PRELID2: variants seen among roughly 807,000 people sequenced by gnomAD.
The protein encoded by PRELID2 is PRELI domain-containing protein 2.
In PRELID2, 25 loss-of-function variants were observed where a neutral mutation model predicts 28.4. The ratio of observed to expected loss-of-function variants is 0.88; its 90% CI spans 0.64 to 1.23. The LOEUF (loss-of-function observed/expected upper bound fraction) is 1.23, where lower values mean the gene tolerates loss of function less well. Among genes scored for constraint, PRELID2 ranks in the 50% most tolerant of loss-of-function variants. The pLI, the probability that PRELID2 is intolerant of heterozygous loss-of-function variation, is 0.00. For synonymous variants in PRELID2, 76 were observed against 71.6 expected, an observed-to-expected ratio of 1.06 and a Z score of -0.31; for missense variants, 201 against 214.4, an observed-to-expected ratio of 0.94 and a Z score of 0.39.
At chr5:145,574,134 A>G (rs1753039126) in intron 1 of PRELID2, among the ~76,000 whole-genome samples, 1 of 152,198 alleles carries the variant, frequency 6.6e-6, no homozygotes, top group African/African-American at 2.4e-5. Context: ...CAGAAAAGAG[A>G]GAAATAGAAA....
At chr5:145,675,855 A>T (rs773512352) in intron 1 of PRELID2, among the ~76,000 whole-genome samples, 47 of 152,362 alleles carry the variant, frequency 3.1e-4, no homozygotes, top group South Asian at 6.2e-4. Flanking sequence ...TGTAAAGAAA[A>T]ATAAGAACTA....
intron 1 of PRELID2, among the ~76,000 whole-genome samples, chr5:145,830,219 A>G (rs1247790845): frequency 1.3e-5 from 2 of 152,244 alleles, no homozygotes; most frequent in Admixed American, 6.5e-5. Flanking sequence ...AAAAATCACC[A>G]CCTATGAAGG....
At chr5:145,575,050 AC>A (rs1753049022) in intron 1 of PRELID2, among the ~76,000 whole-genome samples, 1 of 152,146 alleles carries the variant, frequency 6.6e-6, no homozygotes, top group South Asian at 2.1e-4. Context: ...AATGACTGAG[AC>A]CTTTGAGTGA....
chr5:145,591,926 T>C (rs139789587), intron 1 of PRELID2, among the ~76,000 whole-genome samples: 3 of 152,222 alleles, frequency 2.0e-5, no homozygotes, highest in African/African-American at 7.2e-5. Context: ...CTAAACCTAC[T>C]ATGTCAGTCT....
chr5:145,424,872 T>C, the PRELID2 span, among the ~76,000 whole-genome samples: 2 of 152,174 alleles, frequency 1.3e-5, no homozygotes, highest in Non-Finnish European at 2.9e-5. Context: ...AAACATTTCA[T>C]GATAAAAATG....
At chr5:145,392,986 T>G in the PRELID2 span, among the ~76,000 whole-genome samples, 1 of 152,160 alleles carries the variant, frequency 6.6e-6, no homozygotes, top group African/African-American at 2.4e-5. Flanking sequence ...TCCTGCTCCA[T>G]CCCCTTCTCC....
At chr5:145,688,600 A>G (rs1755083308) in intron 1 of PRELID2, among the ~76,000 whole-genome samples, 1 of 152,236 alleles carries the variant, frequency 6.6e-6, no homozygotes. Context: ...CTGCTGATGC[A>G]TAAATAATAC....
At chr5:145,478,059 A>C (rs1752119619) in intron 1 of PRELID2, among the ~76,000 whole-genome samples, 1 of 152,168 alleles carries the variant, frequency 6.6e-6, no homozygotes, top group East Asian at 1.9e-4. Context: ...TTACAAATAA[A>C]TAAATAAATT....
At chr5:145,572,151 G>GA (rs1447911768) in intron 1 of PRELID2, among the ~76,000 whole-genome samples, 10 of 152,270 alleles carry the variant, frequency 6.6e-5, no homozygotes, top group African/African-American at 2.2e-4. Context: ...TAAATTGGTT[G>GA]AAAAAACCAA....
the PRELID2 span, among the ~76,000 whole-genome samples, chr5:145,242,766 T>G: frequency 6.6e-6 from 1 of 152,036 alleles, no homozygotes; most frequent in South Asian, 2.1e-4. Context: ...CCAGTGCAAA[T>G]GCCAGAAATG....
chr5:145,411,784 A>G, the PRELID2 span, among the ~76,000 whole-genome samples: 1 of 152,208 alleles, frequency 6.6e-6, no homozygotes, highest in Non-Finnish European at 1.5e-5. Flanking sequence ...TCCCTGTATC[A>G]AACTTTGGCC....
chr5:145,736,393 C>T (rs1417697288), intron 1 of PRELID2, among the ~76,000 whole-genome samples: 2 of 48,812 alleles, frequency 4.1e-5, no homozygotes, highest in Non-Finnish European at 1.2e-4. Flanking sequence ...CAAGAACACA[C>T]AGCTCTATCT....
At chr5:145,447,372 A>G in the PRELID2 span, among the ~76,000 whole-genome samples, 3 of 151,690 alleles carry the variant, frequency 2.0e-5, no homozygotes, top group African/African-American at 7.3e-5. Context: ...AAGATACTGA[A>G]TAAAGAGAGA....
At chr5:145,438,644 A>G in the PRELID2 span, among the ~76,000 whole-genome samples, 1 of 152,308 alleles carries the variant, frequency 6.6e-6, no homozygotes, top group East Asian at 1.9e-4. Context: ...AAATAAAATA[A>G]ATAGCACAAA....
chr5:145,758,782 A>G lies in PRELID2; in HGVS notation c.*1754T>C, dbSNP rs569069419. ...TTCTACCATTATTTTTCCCTCCAAC[A>G]CAATTGAAGAATGAAACACTATGAA... On this transcript the variant is annotated 3_prime_UTR_variant, in exon 7 of 7. Transcript: ENST00000683046. Among the ~76,000 whole-genome samples the G allele has an allele frequency of 1.3e-5, 2 of 152,270 alleles. No homozygotes were observed. Among genetic ancestry groups the G allele is most frequent in the East Asian group, 1.9e-4 (1 of 5,182 alleles).
At chr5:145,829,694 T>C (rs765257199) in intron 1 of PRELID2, among the ~76,000 whole-genome samples, 32 of 152,314 alleles carry the variant, frequency 2.1e-4, no homozygotes, top group Non-Finnish European at 4.1e-4. Context: ...TCTGCACATC[T>C]GCACCATTCT....
rs10071283 is a variant in PRELID2 at position 145,814,979 on chromosome 5, C to A, written c.368+2915G>T. Among the ~76,000 whole-genome samples the A allele has an allele frequency of 3.1e-3, 477 of 152,316 alleles. 3 individuals carry two copies. The highest frequency in any genetic ancestry group is 0.011 in the African/African-American group (446 of 41,560). On this transcript the variant is annotated intron_variant, in intron 4 of 6. Coordinates refer to ENST00000683046, the MANE Select transcript of PRELID2 (RefSeq NM_205846.3). ...GCAAAGTGACAGAATCTGTATGTTA[C>A]GACTGCATGTCGGTGCCCTCCCCTG...
At chr5:145,644,675 C>T (rs541178386) in intron 1 of PRELID2, among the ~76,000 whole-genome samples, 8 of 152,220 alleles carry the variant, frequency 5.3e-5, no homozygotes, top group Non-Finnish European at 1.2e-4. Context: ...TCCCTTTATG[C>T]GTTGCTTTAA....
chr5:145,678,245 C>A (rs527362372), intron 1 of PRELID2, among the ~76,000 whole-genome samples: 1 of 152,162 alleles, frequency 6.6e-6, no homozygotes, highest in Non-Finnish European at 1.5e-5. Context: ...AAGATTTGGG[C>A]GGTTCTCACT....
Sources: gnomAD v4.1 joint callset for allele counts (sites outside exome capture counted in the v4.1 genomes callset) on GRCh38, gnomAD v4.1.1 for gene constraint, MANE v1.5 for transcripts, NCBI Gene and HGNC (gene_info 2026-07-23, HGNC 2026-07-21) for gene names.